Variants in CACNA2D3 observed in about 807,000 individuals in gnomAD.
CACNA2D3 encodes voltage-dependent calcium channel subunit alpha-2/delta-3.
A neutral mutation model predicts 160.6 loss-of-function variants in CACNA2D3; 60 were observed. The observed-to-expected ratio is 0.37, with a 90% CI of 0.30 to 0.46. The LOEUF is 0.46. CACNA2D3 is among the 20% of genes least tolerant of loss of function. The pLI, the probability that CACNA2D3 is intolerant of heterozygous loss-of-function variation, is 1.00. For synonymous variants in CACNA2D3, 558 were observed against 492.9 expected, an observed-to-expected ratio of 1.13 and a Z score of -1.75; for missense variants, 1,205 against 1,365.0, an observed-to-expected ratio of 0.88 and a Z score of 1.85.
At chr3:54,559,602 AT>A (rs1405457191) in intron 5 of CACNA2D3, among the ~76,000 whole-genome samples, 1 of 152,030 alleles carries the variant, frequency 6.6e-6, no homozygotes, top group African/African-American at 2.4e-5. Flanking sequence ...TTCAACTTTT[AT>A]TTTTAACTTC....
At chr3:54,920,410 AC>A (rs5849063) in intron 27 of CACNA2D3, among the ~76,000 whole-genome samples, 17,095 of 152,210 alleles carry the variant, frequency 0.11, 971 homozygotes, top group Middle Eastern at 0.15. Context: ...TGAATCACCC[AC>A]CACCAGAGTG....
At chr3:54,513,827 C>T (rs1701499086) in intron 5 of CACNA2D3, among the ~76,000 whole-genome samples, 1 of 152,118 alleles carries the variant, frequency 6.6e-6, no homozygotes, top group Non-Finnish European at 1.5e-5. Flanking sequence ...TTTACAGGTG[C>T]ACATCACCAT....
Position 54,258,787 on chromosome 3 carries a change from A to G in CACNA2D3, c.205-61655A>G, listed in dbSNP as rs369653480. On this transcript the variant is annotated intron_variant, in intron 2 of 37. Coordinates refer to ENST00000474759, the MANE Select transcript of CACNA2D3 (RefSeq NM_018398.3). ...GAAAGTATTGATTGAACACTTTCATAACACCTGAAGGGATCAGAAGTGATT... is the reference window on the plus strand; with the variant it reads ...GAAAGTATTGATTGAACACTTTCATGACACCTGAAGGGATCAGAAGTGATT... 3.9e-5 allele frequency among the ~76,000 whole-genome samples: 6 copies of G among 152,334 alleles called. No homozygotes were observed. In the East Asian group the frequency reaches 7.7e-4, roughly 20 times the overall value.
At chr3:54,498,984 T>C (rs1025003997) in intron 4 of CACNA2D3, among the ~76,000 whole-genome samples, 8 of 152,110 alleles carry the variant, frequency 5.3e-5, no homozygotes, top group African/African-American at 1.9e-4. Flanking sequence ...TCAGAGAACA[T>C]AGTATGTGGA....
chr3:54,461,515 G>A (rs951249252), intron 4 of CACNA2D3, among the ~76,000 whole-genome samples: 4 of 151,396 alleles, frequency 2.6e-5, no homozygotes, highest in East Asian at 1.9e-4. Flanking sequence ...GAGGGTGTAC[G>A]TGTCGAGGAA....
intron 4 of CACNA2D3, among the ~76,000 whole-genome samples, chr3:54,409,088 C>G (rs1412038077): frequency 6.6e-6 from 1 of 152,180 alleles, no homozygotes; most frequent in Non-Finnish European, 1.5e-5. Flanking sequence ...GTGCTTTGCT[C>G]TATTGCCCAT....
At chr3:54,863,213 CTT>C (rs1699329832) in intron 17 of CACNA2D3, among the ~76,000 whole-genome samples, 1 of 152,152 alleles carries the variant, frequency 6.6e-6, no homozygotes, top group Non-Finnish European at 1.5e-5. Context: ...TTGCATCTAA[CTT>C]TTGTCGAGGA....
intron 2 of CACNA2D3, among the ~76,000 whole-genome samples, chr3:54,186,621 T>C (rs1700883074): frequency 6.6e-6 from 1 of 152,228 alleles, no homozygotes. Context: ...CTCTTCATAC[T>C]ACATGACTGC....
intron 10 of CACNA2D3, among the ~76,000 whole-genome samples, chr3:54,630,591 A>G (rs900923238): frequency 2.0e-5 from 3 of 152,210 alleles, no homozygotes; most frequent in Non-Finnish European, 2.9e-5. Context: ...TTACTAACCC[A>G]GGAACACTTT....
At position 54,915,126 on chromosome 3, in the gene CACNA2D3, C is replaced by A. The variant is rs564749535; in HGVS notation, c.2449+15258C>A. On this transcript the variant is annotated intron_variant, in intron 27 of 37. Transcript: ENST00000474759. ...GCCATTTTTATAAGGAAAAATGAAA[C>A]CCTTAGTAATCCACTGGCATTTTAT... is the stretch of plus-strand genomic sequence containing the variant. Among the ~76,000 whole-genome samples the A allele has an allele frequency of 3.9e-5, 6 of 152,284 alleles. No homozygotes were observed. The East Asian group carries it at 1.2e-3, about 29-fold the overall frequency.
chr3:54,478,660 G>GTATATATATATATATTGC (rs1700875822), intron 4 of CACNA2D3, among the ~76,000 whole-genome samples: 1 of 36,376 alleles, frequency 2.7e-5, no homozygotes, highest in African/African-American at 7.2e-5. Flanking sequence ...ATATGTGTGT[G>GTATATATATATATATTGC]TATATATATA....
At chr3:54,151,658 G>A (rs1043166323) in intron 2 of CACNA2D3, among the ~76,000 whole-genome samples, 1 of 152,168 alleles carries the variant, frequency 6.6e-6, no homozygotes, top group Non-Finnish European at 1.5e-5. Context: ...TTGCAACAAT[G>A]CTGAGAGAAT....
intron 34 of CACNA2D3, 49 bp downstream of exon 34, chr3:55,009,492 G>A: frequency 6.6e-7 from 1 of 1,514,306 alleles, no homozygotes; most frequent in Non-Finnish European, 9.2e-7. Flanking sequence ...ATAAGCGCTG[G>A]GTTCACTGGC....
intron 5 of CACNA2D3, among the ~76,000 whole-genome samples, chr3:54,558,231 C>T (rs574818416): frequency 1.3e-5 from 2 of 152,302 alleles, no homozygotes; most frequent in African/African-American, 4.8e-5. Flanking sequence ...ATTGATGAAT[C>T]TCTGGAATGA....
At chr3:54,487,541 C>G (rs1434872608) in intron 4 of CACNA2D3, among the ~76,000 whole-genome samples, 1 of 152,196 alleles carries the variant, frequency 6.6e-6, no homozygotes, top group Admixed American at 6.5e-5. Context: ...CACAAGCCTA[C>G]TTATTCAAAT....
intron 2 of CACNA2D3, among the ~76,000 whole-genome samples, chr3:54,288,100 C>G (rs58098116): frequency 0.038 from 5,796 of 151,824 alleles, 366 homozygotes; most frequent in African/African-American, 0.13. Context: ...AATAGAGACC[C>G]AAAAAACCCT....
At chr3:54,509,494 A>G (rs1701425231) in intron 5 of CACNA2D3, among the ~76,000 whole-genome samples, 1 of 152,136 alleles carries the variant, frequency 6.6e-6, no homozygotes, top group Non-Finnish European at 1.5e-5. Flanking sequence ...TGTGATGATG[A>G]TATGGCCATA....
intron 9 of CACNA2D3, among the ~76,000 whole-genome samples, chr3:54,609,360 G>A (rs508907): frequency 0.55 from 84,267 of 151,956 alleles, 24,364 homozygotes; most frequent in African/African-American, 0.73. Flanking sequence ...AGCCTGTGAT[G>A]TTTTGTTGTG....
At chr3:54,665,837 C>T (rs753619753) in intron 11 of CACNA2D3, among the ~76,000 whole-genome samples, 7 of 151,138 alleles carry the variant, frequency 4.6e-5, no homozygotes, top group East Asian at 3.9e-4. Context: ...ACCCAGGTTC[C>T]GCCACCCAGG....
Sources: allele counts gnomAD v4.1 joint callset (sites outside exome capture counted in the v4.1 genomes callset), GRCh38; gene constraint gnomAD v4.1.1; transcripts MANE v1.5; gene names NCBI Gene and HGNC (gene_info 2026-07-23, HGNC 2026-07-21).